The following MGAM variants were observed in gnomAD, a reference collection of about 807,000 sequenced individuals.
MGAM encodes the protein maltase-glucoamylase, also known as alpha-1,4-glucosidase.
In MGAM, 253 loss-of-function variants were observed where a neutral mutation model predicts 358.8. That is an observed-to-expected ratio of 0.71 (90% CI 0.64 to 0.78). The LOEUF (loss-of-function observed/expected upper bound fraction) is 0.78, where lower values mean the gene tolerates loss of function less well. Ranked by LOEUF, MGAM falls within the 30% of genes least tolerant of loss-of-function variation. MGAM has a pLI of 0.00. For synonymous variants in MGAM, 1,105 were observed against 1,227.1 expected, an observed-to-expected ratio of 0.90 and a Z score of 2.08; for missense variants, 3,080 against 3,432.6, an observed-to-expected ratio of 0.90 and a Z score of 2.57.
chr7:141,991,756 C>G (rs1158497665), upstream of MGAM, among the ~76,000 whole-genome samples: 12 of 152,088 alleles, frequency 7.9e-5, no homozygotes, highest in African/African-American at 2.7e-4. Flanking sequence ...ATATTTTAAT[C>G]ACATTCCAAT....
chr7:142,060,506 G>C, intron 34 of MGAM, 133 bp downstream of exon 34: 1 of 1,050,526 alleles, frequency 9.5e-7, no homozygotes, highest in Non-Finnish European at 1.4e-6. Context: ...TGTGTCTTGG[G>C]TGTCATTCTG....
At position 142,076,492 on chromosome 7, in the gene MGAM, G is replaced by A. The variant is rs778483382; in HGVS notation, c.5326-167G>A. 2.4e-5 allele frequency: 21 copies of A among 871,992 alleles called. 2 individuals carry two copies. Among genetic ancestry groups the A allele is most frequent in the Non-Finnish European group, 2.3e-5 (12 of 533,018 alleles). 54.0% of individuals were successfully genotyped at this position (871,992 alleles called of 1,614,324 possible). Reference sequence around the variant, plus strand: ...TTTTTATGATTGTATCAAATTAGAGGATTATCAAACTAATGTTGTACTTCT... The same window carrying A: ...TTTTTATGATTGTATCAAATTAGAGAATTATCAAACTAATGTTGTACTTCT... On this transcript the variant is annotated intron_variant, in intron 46 of 70. Coordinates refer to ENST00000475668, the MANE Select transcript of MGAM (RefSeq NM_001365693.1).
At chr7:142,089,202 C>G (rs943217317) in intron 57 of MGAM, among the ~76,000 whole-genome samples, 1 of 145,770 alleles carries the variant, frequency 6.9e-6, no homozygotes, top group Admixed American at 6.9e-5. Context: ...AGTATCAGAA[C>G]CCCACAGTTC....
intron 34 of MGAM, among the ~76,000 whole-genome samples, chr7:142,062,179 C>A (rs183380275): frequency 2.6e-4 from 40 of 152,320 alleles, no homozygotes; most frequent in African/African-American, 9.6e-4. Context: ...CTGGGTGTTT[C>A]TTCCTAACCT....
chr7:142,078,132 T>C (rs2129051043), intron 47 of MGAM, among the ~76,000 whole-genome samples, 186 bp from the exon 48 acceptor site: 1 of 146,408 alleles, frequency 6.8e-6, no homozygotes, highest in Middle Eastern at 3.6e-3. Context: ...GCCCTGTTAC[T>C]GCTAAATAGA....
At chr7:142,094,280 G>C in intron 60 of MGAM, 84 bp from the exon 61 acceptor site, 1 of 1,428,978 alleles carries the variant, frequency 7.0e-7, no homozygotes, top group Non-Finnish European at 9.5e-7. Flanking sequence ...CATTGACTAG[G>C]CTCAAGGGCT....
intron 24 of MGAM, among the ~76,000 whole-genome samples, chr7:142,051,367 G>GTGGGAA (rs1423488015): frequency 6.6e-6 from 1 of 152,114 alleles, no homozygotes; most frequent in Non-Finnish European, 1.5e-5. Context: ...GGGAGTGGGA[G>GTGGGAA]TGGGGGCTGG....
chr7:142,057,681 C>T (rs1451384199), intron 30 of MGAM, among the ~76,000 whole-genome samples: 1 of 151,856 alleles, frequency 6.6e-6, no homozygotes, highest in Non-Finnish European at 1.5e-5. Context: ...TGATGATGAC[C>T]ATGGTGGTCG....
rs1554464350 is a variant in MGAM, at chr7:142,032,907, C to A, written c.1667C>A (p.Pro556His). ...AACCTAAATAATCCCCCATTCACTC[C>A]CAGTAAGTCTTGGTGGTCAGCAGAT... ...TNNLNNPPFT[P>H]RILDGYLFCK... is the part of the protein sequence containing the mutation. Residue 556 changes from proline to histidine, a missense_variant and splice_region_variant, in exon 14 of 71, where the codon CCC becomes CAC. Pro to His is a moderately conservative substitution (Grantham distance 77). Coordinates refer to ENST00000475668, the MANE Select transcript of MGAM (RefSeq NM_001365693.1). 3 of 1,602,564 alleles carry A rather than the reference C, an allele frequency of 1.9e-6. No homozygotes were observed. The highest frequency in any genetic ancestry group is 2.6e-6 in the Non-Finnish European group (3 of 1,171,938).
At chr7:142,070,163 A>G (rs1244685841) in intron 43 of MGAM, among the ~76,000 whole-genome samples, 1 of 142,730 alleles carries the variant, frequency 7.0e-6, no homozygotes, top group Non-Finnish European at 1.6e-5. Context: ...ACTGCACTCC[A>G]GCCTGGGTGA....
rs1811495813 is a variant in MGAM at position 142,056,055 on chromosome 7, G to A, written c.3539G>A (p.Gly1180Asp). ...HPYYMGLEEDGSAHGVLLLNS... is the reference protein window; with the variant it reads ...HPYYMGLEEDDSAHGVLLLNS... ...TACTACATGGGGCTGGAGGAGGACGGCAGTGCCCATGGAGTGCTCCTGCTG... is the reference window on the plus strand; with the variant it reads ...TACTACATGGGGCTGGAGGAGGACGACAGTGCCCATGGAGTGCTCCTGCTG... The change falls in exon 29 of 71, where the codon GGC (glycine) becomes GAC (aspartate). Residue 1180 changes from glycine (G) to aspartate (D), a missense_variant. Gly to Asp is a moderately conservative substitution (Grantham distance 94). Coordinates refer to ENST00000475668, the MANE Select transcript of MGAM (RefSeq NM_001365693.1). The A allele has an allele frequency of 6.2e-7, 1 of 1,611,340 alleles. No homozygotes were observed. The highest frequency in any genetic ancestry group is 1.3e-5 in the African/African-American group (1 of 75,026).
At chr7:142,071,203 T>G in intron 44 of MGAM, 85 bp downstream of exon 44, 1 of 1,408,044 alleles carries the variant, frequency 7.1e-7, no homozygotes, top group East Asian at 2.4e-5. Context: ...AAGCATCACT[T>G]TCAAACCCAC....
intron 57 of MGAM, among the ~76,000 whole-genome samples, chr7:142,088,604 A>G (rs1376224331): frequency 7.0e-6 from 1 of 143,300 alleles, no homozygotes; most frequent in African/African-American, 2.5e-5. Flanking sequence ...ATATCTATCT[A>G]TCTATCTATC....
In MGAM at chr7:142,082,586, C is replaced by T. The variant is rs552027499; in HGVS notation, c.6268+15C>T. On this transcript the variant is annotated intron_variant, in intron 52 of 70. Transcript: ENST00000475668. ...CAATGCCATGGGTAAGGCCATCCAGCGCCTCCCTTATTTTGGGGGGATACC... is the reference window on the plus strand; with the variant it reads ...CAATGCCATGGGTAAGGCCATCCAGTGCCTCCCTTATTTTGGGGGGATACC... The T allele has an allele frequency of 6.0e-5, 89 of 1,479,028 alleles. 14 individuals carry two copies. The highest frequency in any genetic ancestry group is 7.8e-5 in the Admixed American group (4 of 51,402). The allele number at this position is 1,479,028 out of a possible 1,614,324, so 91.6% of individuals were successfully genotyped here. A position where few individuals can be genotyped will look rare whatever the true frequency, so the allele number is the denominator to read the frequency against.
At position 142,064,498 on chromosome 7, in the gene MGAM, G is replaced by T. The variant is rs201310218; in HGVS notation, c.4460G>T (p.Trp1487Leu). Residue 1487 changes from tryptophan (W) to leucine (L), a missense_variant, in exon 37 of 71, where the codon TGG becomes TTG. Trp to Leu is a moderately conservative substitution (Grantham distance 61, BLOSUM62 -2). Transcript: ENST00000475668. ...TACAACGTGCACAACCTGTATGGGTGGTCCCAGACCAGACCCACATACGAG... is the reference window on the plus strand; with the variant it reads ...TACAACGTGCACAACCTGTATGGGTTGTCCCAGACCAGACCCACATACGAG... Reference protein sequence around the residue: ...QHYNVHNLYGWSQTRPTYEAV... With the variant: ...QHYNVHNLYGLSQTRPTYEAV... The T allele has an allele frequency of 5.0e-5, 79 of 1,578,426 alleles. No individual in the cohort carries two copies. The highest frequency in any genetic ancestry group is 6.5e-5 in the Non-Finnish European group (75 of 1,162,138).
intron 3 of MGAM, among the ~76,000 whole-genome samples, chr7:142,016,066 T>C (rs1805936845): frequency 6.6e-6 from 1 of 152,244 alleles, no homozygotes; most frequent in Non-Finnish European, 1.5e-5. Flanking sequence ...TTTGCATTTA[T>C]GTTCATGGAT....
chr7:142,022,215 G>A (rs931934000), intron 6 of MGAM, 53 bp from the exon 7 acceptor site: 18 of 1,517,966 alleles, frequency 1.2e-5, no homozygotes, highest in East Asian at 4.7e-5. Context: ...AAGCACTTAC[G>A]TTCTCTCCAC....
chr7:142,016,974 T>C (rs1465265660), intron 3 of MGAM, among the ~76,000 whole-genome samples: 1 of 152,232 alleles, frequency 6.6e-6, no homozygotes, highest in African/African-American at 2.4e-5. Flanking sequence ...AAGAAACATT[T>C]AGTTGGACTT....
At chr7:142,071,526 C>T (rs1813349372) in intron 44 of MGAM, among the ~76,000 whole-genome samples, 1 of 146,294 alleles carries the variant, frequency 6.8e-6, no homozygotes, top group Non-Finnish European at 1.5e-5. Flanking sequence ...GCCAGGTGGT[C>T]AGCCTCCTTG....
Sources: allele counts gnomAD v4.1 joint callset (sites outside exome capture counted in the v4.1 genomes callset), GRCh38; gene constraint gnomAD v4.1.1; transcripts MANE v1.5; gene names NCBI Gene and HGNC (gene_info 2026-07-23, HGNC 2026-07-21).